Variants in PDLIM2 observed in about 807,000 individuals in gnomAD.
PDLIM2 encodes the protein PDZ and LIM domain 2.
A neutral mutation model predicts 54.1 loss-of-function variants in PDLIM2; 51 were observed. The ratio of observed to expected loss-of-function variants is 0.94; its 90% CI spans 0.75 to 1.19. PDLIM2 has a LOEUF of 1.19. Ranked by LOEUF, PDLIM2 falls within the 50% of genes most tolerant of loss-of-function variation. The probability of loss-of-function intolerance (pLI) is 0.00; values close to 1 mark genes in which losing one functional copy is unlikely to be tolerated. For missense variants in PDLIM2, 912 were observed against 874.0 expected (o/e 1.04, Z -0.55); for synonymous variants, 398 against 385.6 (o/e 1.03, Z -0.38).
intron 6 of PDLIM2, among the ~76,000 whole-genome samples, chr8:22,585,858 C>G (rs1800365980): frequency 6.6e-6 from 1 of 151,424 alleles, no homozygotes; most frequent in Admixed American, 6.6e-5. Context: ...CAGAGATGCC[C>G]CAGTGGGACT....
At chr8:22,582,097 C>T (rs1283953630) in intron 3 of PDLIM2, among the ~76,000 whole-genome samples, 1 of 152,148 alleles carries the variant, frequency 6.6e-6, no homozygotes, top group Non-Finnish European at 1.5e-5. Context: ...GCCTGGAGGC[C>T]AAGCTATAGG....
chr8:22,594,777 G>C (rs140591126), downstream of PDLIM2: 509 of 1,380,056 alleles, frequency 3.7e-4, 1 homozygote, highest in African/African-American at 6.8e-3. Context: ...TGATTTGGAG[G>C]GGGGAAAAAG....
chr8:22,596,319 T>C (rs1459042698), downstream of PDLIM2: 1 of 152,150 alleles, frequency 6.6e-6, no homozygotes, highest in African/African-American at 2.4e-5. Flanking sequence ...CCAGCTCAAA[T>C]CCCCCTCTGG....
chr8:22,587,495 CT>C (rs1245891146), intron 6 of PDLIM2, among the ~76,000 whole-genome samples: 1 of 152,176 alleles, frequency 6.6e-6, no homozygotes, highest in Non-Finnish European at 1.5e-5. Flanking sequence ...ATTTCTACCC[CT>C]GACCCCCTGC....
exon 1 of PDLIM2, chr8:22,579,315 T>G (rs780771593): frequency 3.5e-6 from 5 of 1,424,092 alleles, no homozygotes; most frequent in Non-Finnish European, 4.6e-6. Context: ...AACCCTGGCC[T>G]CGTCCGCGGC....
chr8:22,582,914 C>CT (rs1294974170), intron 3 of PDLIM2, among the ~76,000 whole-genome samples: 2 of 108,442 alleles, frequency 1.8e-5, no homozygotes, highest in African/African-American at 3.5e-5. Flanking sequence ...TGCCCACCCC[C>CT]CCCCCCGCCC....
chr8:22,580,936 C>G (rs1800177892), intron 2 of PDLIM2: 1 of 686,140 alleles, frequency 1.5e-6, no homozygotes, highest in African/African-American at 1.8e-5. Flanking sequence ...CTCTTGCCTC[C>G]CCAGTTGCTA....
chr8:22,578,989 C>T, exon 1 of PDLIM2: 2 of 1,242,454 alleles, frequency 1.6e-6, no homozygotes, highest in Non-Finnish European at 2.0e-6. Flanking sequence ...TGCCTCATCC[C>T]CCCGGCGGGC....
chr8:22,580,519 C>T (rs1800156387), intron 1 of PDLIM2: 1 of 1,606,002 alleles, frequency 6.2e-7, no homozygotes, highest in African/African-American at 1.3e-5. Flanking sequence ...CTCCTTCTCC[C>T]TTTGGCTCCT....
chr8:22,584,411 C>A lies in PDLIM2; in HGVS notation c.996-410C>A, dbSNP rs4872518. Among the ~76,000 whole-genome samples the A allele has an allele frequency of 2.0e-5, 3 of 151,732 alleles. No homozygotes were observed. The East Asian group carries it at 5.8e-4, about 30-fold the overall frequency. On this transcript the variant is annotated intron_variant, in intron 3 of 9. Transcript: ENST00000308354. ...ACAACCTCCATCTCCTGGGCTCAAGCGATCCTCCCACCTCAACCTCCCAAG... is the reference window on the plus strand; with the variant it reads ...ACAACCTCCATCTCCTGGGCTCAAGAGATCCTCCCACCTCAACCTCCCAAG...
At chr8:22,591,608 C>T (rs753512977) in exon 9 of PDLIM2, 1 of 1,613,582 alleles carries the variant, frequency 6.2e-7, no homozygotes, top group Non-Finnish European at 8.5e-7. Flanking sequence ...CTGCCCGCCT[C>T]CAGGGCCCTG....
intron 4 of PDLIM2, 45 bp from the exon 4 acceptor site, chr8:22,584,972 G>A: frequency 1.9e-6 from 3 of 1,613,424 alleles, no homozygotes; most frequent in South Asian, 2.2e-5. Flanking sequence ...GGGCGGCCTT[G>A]GCGGGGCAGC....
chr8:22,583,640 C>G (rs541361410), intron 3 of PDLIM2, among the ~76,000 whole-genome samples: 20 of 151,888 alleles, frequency 1.3e-4, no homozygotes, highest in African/African-American at 4.8e-4. Context: ...CTAGTGGGCA[C>G]CTGTAGTCCC....
At chr8:22,585,106 C>G in exon 5 of PDLIM2, 1 of 1,613,938 alleles carries the variant, frequency 6.2e-7, no homozygotes, top group Non-Finnish European at 8.5e-7. Flanking sequence ...CCGGCAGCCC[C>G]TTCTCACCAC....
intron 3 of PDLIM2, among the ~76,000 whole-genome samples, chr8:22,583,202 C>T (rs1297725167): frequency 6.6e-6 from 1 of 152,132 alleles, no homozygotes. Flanking sequence ...GAAGAGGGTA[C>T]CCAGGGAGCT....
chr8:22,591,806 A>G (rs927741874), intron 9 of PDLIM2, 138 bp downstream of exon 8: 3 of 735,718 alleles, frequency 4.1e-6, no homozygotes, highest in Admixed American at 6.1e-5. Flanking sequence ...TAGGGGAAGC[A>G]GTGTTGCACA....
chr8:22,595,103 GCT>G (rs1001414485), downstream of PDLIM2: 3 of 156,672 alleles, frequency 1.9e-5, no homozygotes, highest in African/African-American at 7.2e-5. Context: ...GGCAGCCTCA[GCT>G]CTCTTTTCAG....
downstream of PDLIM2, chr8:22,596,514 T>C (rs1199512864): frequency 6.6e-6 from 1 of 152,198 alleles, no homozygotes; most frequent in African/African-American, 2.4e-5. Context: ...CCTCTGATCT[T>C]GTCCCCAACC....
chr8:22,585,351 C>T (rs749469582), exon 6 of PDLIM2: 25 of 1,612,602 alleles, frequency 1.6e-5, no homozygotes, highest in Non-Finnish European at 2.1e-5. Context: ...CCCCGGGCCT[C>T]CCCGCTGCTG....
Sources: allele counts gnomAD v4.1 joint callset (sites outside exome capture counted in the v4.1 genomes callset), GRCh38; gene constraint gnomAD v4.1.1; transcripts MANE v1.5; gene names NCBI Gene and HGNC (gene_info 2026-07-23, HGNC 2026-07-21).